PRKCA: variants seen among roughly 807,000 people sequenced by gnomAD.
The protein encoded by PRKCA is protein kinase C alpha type.
In PRKCA, 27 loss-of-function variants were observed where a neutral mutation model predicts 87.0. The ratio of observed to expected loss-of-function variants is 0.31; its 90% CI spans 0.23 to 0.43. The LOEUF is 0.43. PRKCA is among the 20% of genes least tolerant of loss of function. PRKCA has a pLI of 1.00. For missense variants in PRKCA, 518 were observed against 852.3 expected (o/e 0.61, Z 4.88); for synonymous variants, 329 against 311.1 (o/e 1.06, Z -0.61).
At chr17:66,449,549 C>T (rs1327924081) in intron 2 of PRKCA, among the ~76,000 whole-genome samples, 4 of 152,194 alleles carry the variant, frequency 2.6e-5, no homozygotes, top group Non-Finnish European at 2.9e-5. Context: ...CTCATCTTCA[C>T]GATCCCTAGC....
chr17:66,343,001 A>C (rs1015046582), intron 2 of PRKCA, among the ~76,000 whole-genome samples: 3 of 152,048 alleles, frequency 2.0e-5, no homozygotes, highest in African/African-American at 7.2e-5. Context: ...TTGTCTTTCT[A>C]CTCTGCATTG....
intron 5 of PRKCA, among the ~76,000 whole-genome samples, chr17:66,654,754 G>C (rs536132353): frequency 6.6e-4 from 100 of 152,314 alleles, no homozygotes; most frequent in African/African-American, 2.3e-3. Context: ...CCTCACTTCC[G>C]CAGACCCTGC....
chr17:66,649,188 CATCTT>C (rs1018058191), intron 5 of PRKCA, among the ~76,000 whole-genome samples: 2 of 152,074 alleles, frequency 1.3e-5, no homozygotes, highest in African/African-American at 2.4e-5. Context: ...ACATCAGACT[CATCTT>C]ATTTCAGTAT....
rs187326488 is a variant in PRKCA, at chr17:66,571,774, G to T, written c.289-69581G>T. 1.7e-3 allele frequency among the ~76,000 whole-genome samples: 256 copies of T among 152,326 alleles called. 1 individual carries two copies. The highest frequency in any genetic ancestry group is 6.0e-3 in the African/African-American group (250 of 41,582). On this transcript the variant is annotated intron_variant, in intron 3 of 16. Transcript: ENST00000413366. Reference sequence around the variant, plus strand: ...ACCTGAGTCCGTAGAGCAGATAAAAGACCACTCTGAAGCAGGGGTAGGAGT... The same window carrying T: ...ACCTGAGTCCGTAGAGCAGATAAAATACCACTCTGAAGCAGGGGTAGGAGT...
chr17:66,320,789 T>A (rs1314664881), intron 2 of PRKCA, among the ~76,000 whole-genome samples: 1 of 152,238 alleles, frequency 6.6e-6, no homozygotes, highest in Non-Finnish European at 1.5e-5. Flanking sequence ...TTTGCCTTTT[T>A]ATATATTACC....
At chr17:66,645,642 C>A in intron 5 of PRKCA, 131 bp downstream of exon 5, 1 of 1,340,958 alleles carries the variant, frequency 7.5e-7, no homozygotes, top group Non-Finnish European at 1.0e-6. Context: ...CTGGTGGAGC[C>A]ATCACTGTCT....
chr17:66,705,154 C>G (rs1973161618), intron 8 of PRKCA, among the ~76,000 whole-genome samples: 1 of 152,138 alleles, frequency 6.6e-6, no homozygotes, highest in Admixed American at 6.5e-5. Flanking sequence ...ACTTCCTTAA[C>G]TGTGTGATGT....
chr17:66,693,017 A>T (rs1368076250), intron 8 of PRKCA, among the ~76,000 whole-genome samples: 2 of 152,244 alleles, frequency 1.3e-5, no homozygotes, highest in Non-Finnish European at 2.9e-5. Flanking sequence ...AAAAATCAAA[A>T]GTCATTCAGT....
chr17:66,338,481 A>G (rs975029966), intron 2 of PRKCA, among the ~76,000 whole-genome samples: 3 of 152,100 alleles, frequency 2.0e-5, no homozygotes, highest in African/African-American at 7.2e-5. Context: ...TTAGGGCTGT[A>G]CCTTTTCATT....
At chr17:66,458,604 C>T (rs1400861451) in intron 2 of PRKCA, among the ~76,000 whole-genome samples, 2 of 152,112 alleles carry the variant, frequency 1.3e-5, no homozygotes, top group African/African-American at 4.8e-5. Context: ...CTTCAGCCTC[C>T]CAAGTAGCTG....
chr17:66,555,039 G>A (rs1045404344), intron 3 of PRKCA, among the ~76,000 whole-genome samples: 5 of 151,978 alleles, frequency 3.3e-5, no homozygotes, highest in Non-Finnish European at 5.9e-5. Flanking sequence ...TGCCATGCCC[G>A]GCCAAGTTTT....
intron 1 of PRKCA, among the ~76,000 whole-genome samples, chr17:66,303,368 G>A (rs1904624024): frequency 6.6e-6 from 1 of 152,162 alleles, no homozygotes; most frequent in African/African-American, 2.4e-5. Flanking sequence ...GTGAGCCCAG[G>A]GGACAGGGGA....
chr17:66,621,546 A>G (rs1442740224), intron 3 of PRKCA, among the ~76,000 whole-genome samples: 2 of 152,188 alleles, frequency 1.3e-5, no homozygotes, highest in Non-Finnish European at 2.9e-5. Context: ...AGAAATCTTC[A>G]TATCTTCATT....
intron 2 of PRKCA, among the ~76,000 whole-genome samples, chr17:66,431,249 A>G (rs1913084783): frequency 6.6e-6 from 1 of 152,234 alleles, no homozygotes; most frequent in Non-Finnish European, 1.5e-5. Flanking sequence ...TATTTCAAAC[A>G]TGGACCTTTT....
intron 2 of PRKCA, among the ~76,000 whole-genome samples, chr17:66,336,229 C>T (rs1598599679): frequency 1.3e-5 from 2 of 152,128 alleles, no homozygotes; most frequent in Admixed American, 1.3e-4. Context: ...TAATATCAAA[C>T]AAGACTGAAT....
At chr17:66,509,698 A>G (rs1917139904) in intron 3 of PRKCA, among the ~76,000 whole-genome samples, 1 of 152,212 alleles carries the variant, frequency 6.6e-6, no homozygotes, top group Non-Finnish European at 1.5e-5. Flanking sequence ...GGCCCAGTCA[A>G]GTCGGCACAT....
At chr17:66,726,820 G>A (rs1250757839) in intron 8 of PRKCA, among the ~76,000 whole-genome samples, 1 of 152,048 alleles carries the variant, frequency 6.6e-6, no homozygotes, top group East Asian at 1.9e-4. Context: ...CGCCTCCTGG[G>A]TTTAAGCGAT....
At chr17:66,527,318 C>A (rs1048520799) in intron 3 of PRKCA, among the ~76,000 whole-genome samples, 1 of 151,478 alleles carries the variant, frequency 6.6e-6, no homozygotes, top group East Asian at 1.9e-4. Flanking sequence ...TATCCTGGTG[C>A]CTGGCTGTTG....
intron 13 of PRKCA, among the ~76,000 whole-genome samples, chr17:66,773,437 T>TA (rs1974983341): frequency 6.6e-6 from 1 of 151,964 alleles, no homozygotes; most frequent in African/African-American, 2.4e-5. Flanking sequence ...AAAGCCCTGT[T>TA]ACATAGTTTG....
Sources: gnomAD v4.1 joint callset for allele counts (sites outside exome capture counted in the v4.1 genomes callset) on GRCh38, gnomAD v4.1.1 for gene constraint, MANE v1.5 for transcripts, NCBI Gene and HGNC (gene_info 2026-07-23, HGNC 2026-07-21) for gene names.